The following STAU1 variants were observed in gnomAD, a reference collection of about 807,000 sequenced individuals.
STAU1 encodes the protein double-stranded RNA-binding protein Staufen homolog 1.
In STAU1, 13 loss-of-function variants were observed where a neutral mutation model predicts 62.9. The observed-to-expected ratio is 0.21, with a 90% CI of 0.13 to 0.33. STAU1 has a LOEUF of 0.33. Ranked by LOEUF, STAU1 falls within the 10% of genes least tolerant of loss-of-function variation. The pLI, the probability that STAU1 is intolerant of heterozygous loss-of-function variation, is 1.00. For synonymous variants in STAU1, 269 were observed against 265.1 expected, an observed-to-expected ratio of 1.01 and a Z score of -0.14; for missense variants, 571 against 712.1, an observed-to-expected ratio of 0.80 and a Z score of 2.25.
chr20:49,156,635 A>G (rs1251778305), intron 3 of STAU1, among the ~76,000 whole-genome samples: 1 of 152,196 alleles, frequency 6.6e-6, no homozygotes, highest in Non-Finnish European at 1.5e-5. Context: ...TCAGCTCCCC[A>G]TTGCTGATTT....
At chr20:49,204,648 T>A in the STAU1 span, among the ~76,000 whole-genome samples, 144 of 24,898 alleles carry the variant, frequency 5.8e-3, no homozygotes, top group African/African-American at 0.017. Context: ...ATATATATAT[T>A]TTTTTTTTTT....
At position 49,157,966 on chromosome 20, in the gene STAU1, T is replaced by A. The variant is rs1239981922; in HGVS notation, c.206-3895A>T. ...CTGATGCACCCCAAAGATTTGAGAT[T>A]CACTACTTTGGAATTTAACAAATCA... On this transcript the variant is annotated intron_variant, in intron 3 of 13. Coordinates refer to ENST00000371856, the MANE Select transcript of STAU1 (RefSeq NM_017453.4). 2.6e-5 allele frequency among the ~76,000 whole-genome samples: 4 copies of A among 151,970 alleles called. No homozygotes were observed. The East Asian group carries it at 7.7e-4, about 29-fold the overall frequency.
chr20:49,145,186 G>A (rs552198812), intron 5 of STAU1, among the ~76,000 whole-genome samples: 25 of 152,258 alleles, frequency 1.6e-4, no homozygotes, highest in Non-Finnish European at 2.4e-4. Flanking sequence ...AGCACTTTGG[G>A]AGGCTGAGGC....
At chr20:49,143,082 T>C (rs1290669365) in intron 5 of STAU1, among the ~76,000 whole-genome samples, 2 of 152,036 alleles carry the variant, frequency 1.3e-5, no homozygotes, top group African/African-American at 4.8e-5. Context: ...ATTATAGGAG[T>C]GAGCCACCGT....
chr20:49,165,850 T>C (rs2093517521), intron 3 of STAU1, 147 bp downstream of exon 3: 2 of 749,636 alleles, frequency 2.7e-6, no homozygotes, highest in South Asian at 1.7e-5. Context: ...CAGTGTTCTA[T>C]ATCTGGGATA....
At chr20:49,156,484 GA>G (rs1215364330) in intron 3 of STAU1, among the ~76,000 whole-genome samples, 1 of 152,190 alleles carries the variant, frequency 6.6e-6, no homozygotes, top group Non-Finnish European at 1.5e-5. Flanking sequence ...ACACACTTTT[GA>G]AAGGTACCTG....
At chr20:49,128,828 AAACT>A (rs2092690523) in intron 6 of STAU1, among the ~76,000 whole-genome samples, 1 of 151,888 alleles carries the variant, frequency 6.6e-6, no homozygotes, top group African/African-American at 2.4e-5. Context: ...GTATATATGA[AAACT>A]AACTCGAAAT....
At chr20:49,166,656 T>C (rs759383021) in intron 2 of STAU1, among the ~76,000 whole-genome samples, 15 of 152,196 alleles carry the variant, frequency 9.9e-5, no homozygotes, top group Non-Finnish European at 1.5e-4. Context: ...CAGTAAGGTT[T>C]CTTTCTGGTC....
rs1226786253 is a variant in STAU1, at chr20:49,114,766, C to CA, written c.*111dup. On this transcript the variant is annotated 3_prime_UTR_variant, in exon 14 of 14. Coordinates refer to ENST00000371856, the MANE Select transcript of STAU1 (RefSeq NM_017453.4). Reference sequence around the variant, plus strand: ...CCTGCTGCTGCCCACATCCTTTACCCACCGTGTCTCTCGGCCCACTGGAGG... The same window carrying CA: ...CCTGCTGCTGCCCACATCCTTTACCCAACCGTGTCTCTCGGCCCACTGGAGG... The CA allele has an allele frequency of 7.1e-6, 7 of 992,144 alleles. No homozygotes were observed. The highest frequency in any genetic ancestry group is 1.1e-5 in the Non-Finnish European group (7 of 636,574). 61.5% of individuals were successfully genotyped at this position (992,144 alleles called of 1,614,324 possible). A position where few individuals can be genotyped will look rare whatever the true frequency, so the allele number is the denominator to read the frequency against.
At chr20:49,202,037 G>A in the STAU1 span, among the ~76,000 whole-genome samples, 2,306 of 150,844 alleles carry the variant, frequency 0.015, 65 homozygotes, top group South Asian at 0.08. Context: ...TGGCTAACAC[G>A]GTGAAACCCC....
At chr20:49,207,847 G>A in the STAU1 span, among the ~76,000 whole-genome samples, 7 of 151,890 alleles carry the variant, frequency 4.6e-5, no homozygotes, top group Non-Finnish European at 7.4e-5. Context: ...TTACTGAACC[G>A]AGACTGTTTG....
intron 1 of STAU1, among the ~76,000 whole-genome samples, chr20:49,180,530 G>A (rs1177663664): frequency 6.6e-6 from 1 of 152,086 alleles, no homozygotes; most frequent in Non-Finnish European, 1.5e-5. Context: ...CACCATGTTG[G>A]CCAGGCTGGT....
At chr20:49,167,045 G>T (rs983894979) in intron 2 of STAU1, among the ~76,000 whole-genome samples, 17 of 152,146 alleles carry the variant, frequency 1.1e-4, no homozygotes, top group African/African-American at 1.7e-4. Flanking sequence ...TTACTGGTGT[G>T]GTTGGGTGGG....
intron 4 of STAU1, among the ~76,000 whole-genome samples, chr20:49,153,251 G>GGAAAAAAAAAAAA (rs1379385445): frequency 1.4e-4 from 14 of 99,064 alleles, no homozygotes; most frequent in African/African-American, 5.5e-4. Context: ...CTCCGTCTCA[G>GGAAAAAAAAAAAA]AAAAAAAAAA....
chr20:49,144,404 A>G (rs2093078452), intron 5 of STAU1, among the ~76,000 whole-genome samples: 3 of 152,110 alleles, frequency 2.0e-5, no homozygotes, highest in Non-Finnish European at 4.4e-5. Context: ...CTTTCCATAC[A>G]TCAGATAAAT....
the STAU1 span, among the ~76,000 whole-genome samples, chr20:49,199,823 C>T: frequency 6.6e-6 from 1 of 152,188 alleles, no homozygotes; most frequent in Non-Finnish European, 1.5e-5. Context: ...ATCCAACTGC[C>T]TCAGCTTCCC....
the STAU1 span, among the ~76,000 whole-genome samples, chr20:49,208,035 C>A: frequency 2.6e-5 from 4 of 151,928 alleles, no homozygotes; most frequent in African/African-American, 9.7e-5. Context: ...TGCACACCAC[C>A]ACACCCAGCT....
the STAU1 span, chr20:49,210,555 CAA>C: frequency 2.2e-6 from 1 of 454,028 alleles, no homozygotes. Context: ...CTAGAGCTGT[CAA>C]AAAGCACACA....
intron 1 of STAU1, among the ~76,000 whole-genome samples, chr20:49,180,513 G>A (rs549458465): frequency 1.3e-5 from 2 of 152,208 alleles, no homozygotes; most frequent in African/African-American, 4.8e-5. Context: ...TAGTAGAGAT[G>A]GGGTTTCACC....
Sources: gnomAD v4.1 joint callset for allele counts (sites outside exome capture counted in the v4.1 genomes callset) on GRCh38, gnomAD v4.1.1 for gene constraint, MANE v1.5 for transcripts, NCBI Gene and HGNC (gene_info 2026-07-23, HGNC 2026-07-21) for gene names.